The following ITCH variants were observed in gnomAD, a reference collection of about 807,000 sequenced individuals.
ITCH encodes itchy E3 ubiquitin protein ligase.
In ITCH, 28 loss-of-function variants were observed where a neutral mutation model predicts 126.8. The ratio of observed to expected loss-of-function variants is 0.22; its 90% CI spans 0.16 to 0.30. ITCH has a LOEUF of 0.30. ITCH is among the 10% of genes least tolerant of loss of function. The probability of loss-of-function intolerance (pLI) is 1.00; values close to 1 mark genes in which losing one functional copy is unlikely to be tolerated. For synonymous variants in ITCH, 342 were observed against 340.0 expected (o/e 1.01, Z -0.06); for missense variants, 631 against 1,032.4 (o/e 0.61, Z 5.33).
In ITCH at chr20:34,497,812, C is replaced by T. The variant is rs527919537; in HGVS notation, c.2416+5215C>T. Among the ~76,000 whole-genome samples the T allele has an allele frequency of 3.9e-5, 6 of 152,146 alleles. No homozygotes were observed. The East Asian group carries it at 7.8e-4, about 20-fold the overall frequency. On this transcript the variant is annotated intron_variant, in intron 23 of 24. Coordinates refer to ENST00000374864, the MANE Select transcript of ITCH (RefSeq NM_031483.7). ...GGTCTGGTCTTGCACTCCTGAACTC[C>T]GGTGATCCGCCCACCTTGGCCTCCC... is the stretch of plus-strand genomic sequence containing the variant.
chr20:34,402,229 G>C, intron 3 of ITCH: 1 of 1,421,884 alleles, frequency 7.0e-7, no homozygotes, highest in Middle Eastern at 2.1e-4. Context: ...ACATTCTTTA[G>C]GCCTTTCTTT....
chr20:34,502,800 C>G (rs546183951), intron 23 of ITCH, among the ~76,000 whole-genome samples: 3 of 152,120 alleles, frequency 2.0e-5, no homozygotes, highest in Non-Finnish European at 4.4e-5. Flanking sequence ...GGGTTGATCA[C>G]TTGAGGCCAG....
intron 4 of ITCH, 104 bp downstream of exon 4, chr20:34,408,896 CT>C (rs1355557370): frequency 7.9e-6 from 9 of 1,140,678 alleles, no homozygotes; most frequent in African/African-American, 1.6e-5. Flanking sequence ...GTTGTTGTTC[CT>C]CCTTTCTCTC....
At chr20:34,439,056 C>T (rs554133269) in intron 8 of ITCH, among the ~76,000 whole-genome samples, 50 of 152,176 alleles carry the variant, frequency 3.3e-4, no homozygotes, top group African/African-American at 1.2e-3. Context: ...AAGTACACAA[C>T]AAACAAGCAT....
At chr20:34,406,755 C>T (rs1409495738) in intron 3 of ITCH, among the ~76,000 whole-genome samples, 4 of 151,988 alleles carry the variant, frequency 2.6e-5, no homozygotes, top group African/African-American at 7.3e-5. Flanking sequence ...AGGATGGTCT[C>T]GATCTCCTGA....
In ITCH at chr20:34,479,764, G is replaced by A. The variant is rs781704531; in HGVS notation, c.1793G>A (p.Arg598His). Residue 598 changes from arginine (R) to histidine (H), a missense_variant, in exon 18 of 25, where the codon CGT becomes CAT. By Grantham distance (29) the Arg-to-His change is conservative. Transcript: ENST00000374864. ...AATCCAGATCACCTGAAATATTTTCGTTTTATTGGCAGATTTATTGCCATG... is the reference window on the plus strand; with the variant it reads ...AATCCAGATCACCTGAAATATTTTCATTTTATTGGCAGATTTATTGCCATG... Reference protein sequence around the residue: ...YINPDHLKYFRFIGRFIAMAL... With the variant: ...YINPDHLKYFHFIGRFIAMAL... The A allele has an allele frequency of 1.7e-5, 28 of 1,613,800 alleles. No homozygotes were observed. The highest frequency in any genetic ancestry group is 3.3e-5 in the Admixed American group (2 of 59,984).
At chr20:34,428,961 C>T (rs567048872) in intron 7 of ITCH, among the ~76,000 whole-genome samples, 8 of 151,258 alleles carry the variant, frequency 5.3e-5, no homozygotes, top group African/African-American at 1.5e-4. Flanking sequence ...TGTTTGAGAC[C>T]GTGTCTCGTT....
intron 3 of ITCH, among the ~76,000 whole-genome samples, chr20:34,404,360 C>T (rs73097047): frequency 0.022 from 3,357 of 151,372 alleles, 54 homozygotes; most frequent in Middle Eastern, 0.041. Context: ...TTTCTCCTGT[C>T]CAGGTTTTGC....
intron 3 of ITCH, 129 bp from the exon 4 acceptor site, chr20:34,408,522 G>C (rs566928507): frequency 4.9e-6 from 4 of 808,204 alleles, no homozygotes; most frequent in Middle Eastern, 3.5e-4. Context: ...AATAAAATTG[G>C]TAAGTATTTT....
At chr20:34,466,880 G>A (rs1033828959) in intron 14 of ITCH, among the ~76,000 whole-genome samples, 1 of 152,126 alleles carries the variant, frequency 6.6e-6, no homozygotes, top group Non-Finnish European at 1.5e-5. Flanking sequence ...ACATTCAGAT[G>A]CTAGAAAAAG....
chr20:34,495,257 C>T (rs1007988807), intron 23 of ITCH, among the ~76,000 whole-genome samples: 13 of 146,446 alleles, frequency 8.9e-5, no homozygotes, highest in Middle Eastern at 3.7e-3. Flanking sequence ...AAGAACAAAA[C>T]TCCAACTCAA....
At chr20:34,457,759 G>A (rs913738973) in intron 13 of ITCH, among the ~76,000 whole-genome samples, 11 of 152,178 alleles carry the variant, frequency 7.2e-5, no homozygotes, top group South Asian at 4.1e-4. Context: ...GAAGACCTGC[G>A]TAATGCAGTG....
intron 2 of ITCH, among the ~76,000 whole-genome samples, chr20:34,387,060 T>C (rs1034123281): frequency 1.3e-5 from 2 of 152,128 alleles, no homozygotes; most frequent in African/African-American, 4.8e-5. Context: ...CTCAGCACTT[T>C]GGGAGGCCGA....
intron 2 of ITCH, among the ~76,000 whole-genome samples, chr20:34,376,029 G>A (rs1017944527): frequency 1.3e-5 from 2 of 152,034 alleles, no homozygotes; most frequent in Admixed American, 6.6e-5. Context: ...TCAAGATTTT[G>A]TAAGAAATTT....
intron 3 of ITCH, among the ~76,000 whole-genome samples, chr20:34,397,455 T>C (rs1188805012): frequency 6.6e-6 from 1 of 152,248 alleles, no homozygotes; most frequent in Non-Finnish European, 1.5e-5. Context: ...TTATTGATTA[T>C]AGAACAATTA....
At chr20:34,392,048 C>T (rs2038508765) in intron 2 of ITCH, among the ~76,000 whole-genome samples, 1 of 152,110 alleles carries the variant, frequency 6.6e-6, no homozygotes, top group African/African-American at 2.4e-5. Flanking sequence ...CTCACTGCCC[C>T]TTAATTTACT....
chr20:34,503,870 G>GTTTTTTTTTTTTTTTTTTTT (rs1312659165), intron 23 of ITCH, among the ~76,000 whole-genome samples: 1 of 56,052 alleles, frequency 1.8e-5, no homozygotes. Context: ...TTTTTTTTTG[G>GTTTTTTTTTTTTTTTTTTTT]TTTTTTTTTT....
intron 20 of ITCH, among the ~76,000 whole-genome samples, chr20:34,486,724 G>A (rs1293040883): frequency 6.6e-6 from 1 of 151,376 alleles, no homozygotes; most frequent in Non-Finnish European, 1.5e-5. Flanking sequence ...TTGAGACAGG[G>A]TCTCACTTTG....
intron 3 of ITCH, among the ~76,000 whole-genome samples, chr20:34,406,356 C>A (rs566503947): frequency 6.6e-6 from 1 of 152,106 alleles, no homozygotes; most frequent in South Asian, 2.1e-4. Flanking sequence ...CCTTCTCTTG[C>A]AACTCTTCTT....
Sources: gnomAD v4.1 joint callset for allele counts (sites outside exome capture counted in the v4.1 genomes callset) on GRCh38, gnomAD v4.1.1 for gene constraint, MANE v1.5 for transcripts, NCBI Gene and HGNC (gene_info 2026-07-23, HGNC 2026-07-21) for gene names.